SLC37A2: variants seen among roughly 807,000 people sequenced by gnomAD.
SLC37A2 encodes solute carrier family 37 member 2.
Under a neutral mutation model 70.7 loss-of-function variants are expected in SLC37A2, and 59 were observed. That is an observed-to-expected ratio of 0.83 (90% CI 0.68 to 1.04). SLC37A2 has a LOEUF of 1.04. Among genes scored for constraint, SLC37A2 ranks in the 50% least tolerant of loss-of-function variants. The pLI, the probability that SLC37A2 is intolerant of heterozygous loss-of-function variation, is 0.00. For synonymous variants in SLC37A2, 257 were observed against 262.1 expected, an observed-to-expected ratio of 0.98 and a Z score of 0.19; for missense variants, 580 against 658.1, an observed-to-expected ratio of 0.88 and a Z score of 1.30.
At chr11:125,075,480 C>T (rs889480317) in intron 1 of SLC37A2, among the ~76,000 whole-genome samples, 1 of 152,170 alleles carries the variant, frequency 6.6e-6, no homozygotes, top group Non-Finnish European at 1.5e-5. Context: ...CCAGAGAGGC[C>T]GGGGCGTGGA....
chr11:125,086,038 G>GCTGCCCCTCTACCAA lies in SLC37A2; in HGVS notation c.1490+22_1490+36dup. 1 of 1,611,454 alleles carries GCTGCCCCTCTACCAA rather than the reference G, an allele frequency of 6.2e-7. No homozygotes were observed. The highest frequency in any genetic ancestry group is 8.5e-7 in the Non-Finnish European group (1 of 1,177,534). On this transcript the variant is annotated intron_variant, in intron 17 of 17. Transcript: ENST00000403796. ...CAGCGGGTGAGTCCGGGGAGCTGAA[G>GCTGCCCCTCTACCAA]CTGCCCCTCTACCAACCTCATTTCT... is the stretch of plus-strand genomic sequence containing the variant.
rs1949087786 is a variant in SLC37A2, at chr11:125,076,375, A to G, written c.60-382A>G. Among the ~76,000 whole-genome samples the G allele has an allele frequency of 3.3e-5, 5 of 152,204 alleles. No homozygotes were observed. The South Asian group carries it at 1.0e-3, about 32-fold the overall frequency. ...CCCTCCTACCCCCATCATTTTAGAC[A>G]TGTGAAAACCACTCAAACTCCCTGC... On this transcript the variant is annotated intron_variant, in intron 1 of 17. Coordinates refer to ENST00000403796, the MANE Select transcript of SLC37A2 (RefSeq NM_001145290.2).
chr11:125,078,174 A>T (rs1440115898), intron 4 of SLC37A2, among the ~76,000 whole-genome samples: 1 of 152,220 alleles, frequency 6.6e-6, no homozygotes, highest in African/African-American at 2.4e-5. Flanking sequence ...TAGCACGAGC[A>T]AGTAGGGCAA....
chr11:125,063,326 A>G lies in SLC37A2; in HGVS notation c.-42A>G, dbSNP rs752449606. Reference sequence around the variant, plus strand: ...GCCCGGGACACGCGCCCAGCTCTGTAGCCTCCTCCGTCGACTCAGCCTTAG... The same window carrying G: ...GCCCGGGACACGCGCCCAGCTCTGTGGCCTCCTCCGTCGACTCAGCCTTAG... On this transcript the variant is annotated 5_prime_UTR_variant, in exon 1 of 18. Coordinates refer to ENST00000403796, the MANE Select transcript of SLC37A2 (RefSeq NM_001145290.2). The surrounding 1 kb of genome is among the most constrained non-coding windows in gnomAD (Gnocchi z 5.4). 32 of 1,555,482 alleles carry G rather than the reference A, an allele frequency of 2.1e-5. No homozygotes were observed. The highest frequency in any genetic ancestry group is 2.6e-5 in the Non-Finnish European group (30 of 1,133,272).
rs144576745 is a variant in SLC37A2, at chr11:125,084,953, G to A, written c.1174+80G>A. ...GCCCCATGAGGCTGGCCCACGGGGG[G>A]CACTGACAGGTGGAGGGGCTGGGAG... On this transcript the variant is annotated intron_variant, in intron 13 of 17. Transcript: ENST00000403796. The A allele has an allele frequency of 1.8e-5, 29 of 1,595,834 alleles. 1 individual carries two copies. The South Asian group carries it at 2.0e-4, about 11-fold the overall frequency.
chr11:125,064,592 A>G (rs1403746077), intron 1 of SLC37A2, among the ~76,000 whole-genome samples: 1 of 152,222 alleles, frequency 6.6e-6, no homozygotes, highest in South Asian at 2.1e-4. Flanking sequence ...GCTCTCATCA[A>G]TTCTAACCTT....
rs777577634 is a variant in SLC37A2 at position 125,084,885 on chromosome 11, G to C, written c.1174+12G>C. The C allele has an allele frequency of 1.2e-6, 2 of 1,613,432 alleles. No individual in the cohort carries two copies. The highest frequency in any genetic ancestry group is 1.7e-6 in the Non-Finnish European group (2 of 1,179,720). On this transcript the variant is annotated intron_variant, in intron 13 of 17. Coordinates refer to ENST00000403796, the MANE Select transcript of SLC37A2 (RefSeq NM_001145290.2). The stretch of plus-strand genomic sequence containing the variant: ...TGCCAGCTCCATAGGTGAGGAGGAG[G>C]TTGCAAGTCCTGCCAGGCCAGGGGA...
At position 125,085,567 on chromosome 11, in the gene SLC37A2, C is replaced by A; in HGVS notation, c.1328-10C>A. ...CAGGACCCCTGCTCACGAGGCTGTG[C>A]TCCATTCAGGTGCGGCTCTGGGGCC... is the stretch of plus-strand genomic sequence containing the variant. On this transcript the variant is annotated splice_polypyrimidine_tract_variant and intron_variant, in intron 15 of 17. Coordinates refer to ENST00000403796, the MANE Select transcript of SLC37A2 (RefSeq NM_001145290.2). 1 of 1,613,828 alleles carries A rather than the reference C, an allele frequency of 6.2e-7. No individual in the cohort carries two copies. Among genetic ancestry groups the A allele is most frequent in the Non-Finnish European group, 8.5e-7 (1 of 1,180,012 alleles).
chr11:125,085,098 G>A lies in SLC37A2; in HGVS notation c.1207G>A (p.Gly403Ser). 1 of 1,614,072 alleles carries A rather than the reference G, an allele frequency of 6.2e-7. No homozygotes were observed. The highest frequency in any genetic ancestry group is 8.5e-7 in the Non-Finnish European group (1 of 1,179,990). Residue 403 changes from glycine to serine, a missense_variant, in exon 14 of 18, where the codon GGC becomes AGC. By Grantham distance (56) the Gly-to-Ser change is moderately conservative. Transcript: ENST00000403796. ...GATCATCTGTGGGGGCCTGGTCAAT[G>A]GCCCATACGCGCTCATCACCACTGC... ...MLIICGGLVN[G>S]PYALITTAVS...
chr11:125,080,375 C>T lies in SLC37A2; in HGVS notation c.528-239C>T, dbSNP rs533639745. Among the ~76,000 whole-genome samples, 45 of 152,266 alleles carry T rather than the reference C, an allele frequency of 3.0e-4. No individual in the cohort carries two copies. The highest frequency in any genetic ancestry group is 5.4e-4 in the Non-Finnish European group (37 of 68,018). ...CATGCCCTCAGTGTGGCTAGAGCTC[C>T]CATCGGCACTCACTCAGGGAGCTGG... On this transcript the variant is annotated intron_variant, in intron 6 of 17. Coordinates refer to ENST00000403796, the MANE Select transcript of SLC37A2 (RefSeq NM_001145290.2). The surrounding 1 kb of genome is among the most constrained non-coding windows in gnomAD (Gnocchi z 4.3).
chr11:125,085,532 A>C (rs753947938), intron 15 of SLC37A2, 45 bp from the exon 16 acceptor site: 2 of 1,613,454 alleles, frequency 1.2e-6, no homozygotes, highest in Non-Finnish European at 8.5e-7. Context: ...TCCGGTGGGC[A>C]GGGGAGGTGC....
intron 17 of SLC37A2, chr11:125,086,229 T>A (rs1277695712): frequency 6.2e-7 from 1 of 1,613,018 alleles, no homozygotes; most frequent in South Asian, 1.1e-5. Flanking sequence ...AACCCACCAG[T>A]GATAGTATTT....
At chr11:125,065,606 G>T (rs1391764896) in intron 1 of SLC37A2, among the ~76,000 whole-genome samples, 1 of 152,110 alleles carries the variant, frequency 6.6e-6, no homozygotes, top group Non-Finnish European at 1.5e-5. Context: ...CCATTTTCTT[G>T]GGAGGTTTTT....
chr11:125,081,712 C>G (rs753298902), intron 8 of SLC37A2, 42 bp from the exon 9 acceptor site: 2 of 1,528,248 alleles, frequency 1.3e-6, no homozygotes, highest in East Asian at 2.3e-5. Flanking sequence ...TGGGAGGCAG[C>G]ACATGGACGC....
chr11:125,074,786 T>A (rs1295681986), intron 1 of SLC37A2, among the ~76,000 whole-genome samples: 1 of 152,166 alleles, frequency 6.6e-6, no homozygotes, highest in Non-Finnish European at 1.5e-5. Flanking sequence ...GAGCCTGCAA[T>A]GAAAGAACAG....
At chr11:125,079,025 T>A (rs1949119177) in intron 4 of SLC37A2, 87 bp from the exon 5 acceptor site, 1 of 1,573,322 alleles carries the variant, frequency 6.4e-7, no homozygotes, top group Admixed American at 1.7e-5. Flanking sequence ...CAGAGCCACT[T>A]CCTAGCGTGG....
intron 1 of SLC37A2, among the ~76,000 whole-genome samples, chr11:125,072,370 T>TG (rs372929355): frequency 2.6e-5 from 4 of 151,974 alleles, no homozygotes; most frequent in Non-Finnish European, 5.9e-5. Context: ...CAGTATCCGG[T>TG]GGGGGGGAGG....
At chr11:125,073,641 C>T (rs549149454) in intron 1 of SLC37A2, among the ~76,000 whole-genome samples, 1 of 152,372 alleles carries the variant, frequency 6.6e-6, no homozygotes, top group South Asian at 2.1e-4. Context: ...ATAGACTCTG[C>T]TTTTCCAATG....
chr11:125,072,848 C>T (rs1418119591), intron 1 of SLC37A2, among the ~76,000 whole-genome samples: 1 of 152,206 alleles, frequency 6.6e-6, no homozygotes. Context: ...AGAGGAGGCC[C>T]AGCTCTGACT....
Sources: allele counts gnomAD v4.1 joint callset (sites outside exome capture counted in the v4.1 genomes callset), GRCh38; gene constraint gnomAD v4.1.1; non-coding constraint Gnocchi (gnomAD v3.1); transcripts MANE v1.5; gene names NCBI Gene and HGNC (gene_info 2026-07-23, HGNC 2026-07-21).